The following ATP6V0A4 variants were observed in gnomAD, a reference collection of about 807,000 sequenced individuals.
ATP6V0A4 encodes V-type proton ATPase 116 kDa subunit a 4.
ATP6V0A4 carries 86 observed loss-of-function variants against 107.3 expected under a neutral mutation model. The observed-to-expected ratio is 0.80, with a 90% CI of 0.67 to 0.96. ATP6V0A4 has a LOEUF of 0.96. Among genes scored for constraint, ATP6V0A4 ranks in the 40% least tolerant of loss-of-function variants. ATP6V0A4 has a pLI of 0.00. For missense variants in ATP6V0A4, 908 were observed against 1,045.6 expected, an observed-to-expected ratio of 0.87 and a Z score of 1.81; for synonymous variants, 353 against 381.4, an observed-to-expected ratio of 0.93 and a Z score of 0.87.
chr7:138,745,244 G>A lies in ATP6V0A4; in HGVS notation c.1357C>T (p.Leu453=). Residue 453 remains leucine, a synonymous_variant, in exon 14 of 22, where the codon CTA becomes TTA. Coordinates refer to ENST00000310018, the MANE Select transcript of ATP6V0A4 (RefSeq NM_020632.3). ...TAGATGGAGAAGATGCCCATAAGTA[G>A]GATCAGATAGCGCCCGTGGAAGAAG... ...NTFFHGRYLI[L]LMGIFSIYTG... 4.3e-6 allele frequency: 7 copies of A among 1,609,886 alleles called. No homozygotes were observed. The highest frequency in any genetic ancestry group is 5.9e-6 in the Non-Finnish European group (7 of 1,178,312).
chr7:138,791,006 CA>C lies in ATP6V0A4; in HGVS notation c.-120-4747del, dbSNP rs138166580. Among the ~76,000 whole-genome samples the C allele has an allele frequency of 9.4e-3, 1,423 of 151,950 alleles. 22 individuals are homozygous for C. Among genetic ancestry groups the C allele is most frequent in the African/African-American group, 0.033 (1,364 of 41,432 alleles). ...AGAAACATGATCATATGAATGAAAA[CA>C]GCAGAAATAATAGACAATGGAAATA... On this transcript the variant is annotated intron_variant, in intron 1 of 21. Coordinates refer to ENST00000310018, the MANE Select transcript of ATP6V0A4 (RefSeq NM_020632.3).
At chr7:138,728,627 G>A in intron 18 of ATP6V0A4, 134 bp downstream of exon 18, 1 of 1,210,586 alleles carries the variant, frequency 8.3e-7, no homozygotes, top group South Asian at 1.2e-5. Context: ...AACATACTCA[G>A]GGCGGGTCAG....
At chr7:138,733,577 T>C (rs1805145274) in intron 16 of ATP6V0A4, among the ~76,000 whole-genome samples, 1 of 23,528 alleles carries the variant, frequency 4.3e-5, no homozygotes, top group Admixed American at 6.7e-4. Flanking sequence ...TTTCTCTTTT[T>C]TTTTTTTTTT....
chr7:138,749,027 A>T, intron 12 of ATP6V0A4, 140 bp downstream of exon 12: 1 of 1,142,478 alleles, frequency 8.8e-7, no homozygotes, highest in Non-Finnish European at 1.3e-6. Context: ...TATCCTACTT[A>T]TTCCTCTGAT....
chr7:138,761,042 G>GCCTCAAGTGATCCTCCTGC (rs1238076698), intron 7 of ATP6V0A4, among the ~76,000 whole-genome samples: 9 of 151,756 alleles, frequency 5.9e-5, no homozygotes, highest in Admixed American at 1.3e-4. Flanking sequence ...CAAACTCCTG[G>GCCTCAAGTGATCCTCCTGC]CCTCAAGTGA....
chr7:138,772,716 G>A (rs1030220341), intron 2 of ATP6V0A4, among the ~76,000 whole-genome samples: 9 of 152,142 alleles, frequency 5.9e-5, no homozygotes, highest in Non-Finnish European at 1.2e-4. Context: ...CACAGCATAC[G>A]TAGCCAGGGA....
intron 1 of ATP6V0A4, among the ~76,000 whole-genome samples, chr7:138,787,362 C>T (rs989861329): frequency 6.6e-6 from 1 of 152,132 alleles, no homozygotes; most frequent in Admixed American, 6.6e-5. Flanking sequence ...TCTAGAAAGT[C>T]GCATCGACAC....
chr7:138,723,801 C>T (rs1194951316), intron 18 of ATP6V0A4, among the ~76,000 whole-genome samples: 1 of 151,868 alleles, frequency 6.6e-6, no homozygotes, highest in Non-Finnish European at 1.5e-5. Flanking sequence ...GCTACGATTA[C>T]AGGCGTGAGC....
chr7:138,710,440 T>G (rs1803682716), intron 20 of ATP6V0A4, among the ~76,000 whole-genome samples: 1 of 152,034 alleles, frequency 6.6e-6, no homozygotes, highest in Admixed American at 6.6e-5. Context: ...TCCACCCGCC[T>G]CGGCCTCCAA....
chr7:138,766,508 T>C lies in ATP6V0A4; in HGVS notation c.291+2272A>G, dbSNP rs533016683. Among the ~76,000 whole-genome samples, 7 of 152,244 alleles carry C rather than the reference T, an allele frequency of 4.6e-5. No individual in the cohort carries two copies. The East Asian group carries it at 1.4e-3, about 29-fold the overall frequency. On this transcript the variant is annotated intron_variant, in intron 5 of 21. Transcript: ENST00000310018. ...GGCGTAAGCCACTGCGCCTGGCCTA[T>C]CATGCTAGACATTTTTTTTTTAATC...
At chr7:138,782,901 C>A (rs1807986467) in intron 2 of ATP6V0A4, among the ~76,000 whole-genome samples, 1 of 152,088 alleles carries the variant, frequency 6.6e-6, no homozygotes. Flanking sequence ...ATAGTGAAAC[C>A]CCTTCTCTAC....
chr7:138,775,182 C>T (rs2117347982), intron 2 of ATP6V0A4, among the ~76,000 whole-genome samples: 2 of 152,142 alleles, frequency 1.3e-5, no homozygotes, highest in Middle Eastern at 6.8e-3. Flanking sequence ...TGCAAAAGTA[C>T]AGCAAATAGT....
chr7:138,795,398 G>T (rs1808609772), intron 1 of ATP6V0A4, among the ~76,000 whole-genome samples: 1 of 152,088 alleles, frequency 6.6e-6, no homozygotes, highest in South Asian at 2.1e-4. Context: ...TGATAGGATG[G>T]TCTCAGCTTA....
chr7:138,750,746 C>T (rs1179412525), intron 11 of ATP6V0A4, among the ~76,000 whole-genome samples: 2 of 152,228 alleles, frequency 1.3e-5, no homozygotes, highest in African/African-American at 4.8e-5. Flanking sequence ...GCACCCCCGC[C>T]CTGCTCAGCC....
At chr7:138,721,796 C>T in intron 19 of ATP6V0A4, 101 bp downstream of exon 19, 1 of 1,355,086 alleles carries the variant, frequency 7.4e-7, no homozygotes, top group Non-Finnish European at 1.0e-6. Context: ...AGGGCTACTG[C>T]CCCGTGGGGC....
intron 18 of ATP6V0A4, among the ~76,000 whole-genome samples, chr7:138,726,355 T>C (rs1804724291): frequency 6.6e-6 from 1 of 152,194 alleles, no homozygotes; most frequent in South Asian, 2.1e-4. Flanking sequence ...TGGGGGGACC[T>C]GGGTTCATAG....
chr7:138,731,494 CT>C (rs996289284), intron 17 of ATP6V0A4, among the ~76,000 whole-genome samples: 1 of 152,152 alleles, frequency 6.6e-6, no homozygotes, highest in African/African-American at 2.4e-5. Flanking sequence ...AGGTTAATCA[CT>C]GGGAGAGGCC....
chr7:138,721,866 A>G, intron 19 of ATP6V0A4, 31 bp downstream of exon 19: 1 of 1,612,452 alleles, frequency 6.2e-7, no homozygotes, highest in East Asian at 2.2e-5. Flanking sequence ...CAAACTGGGG[A>G]GTCTTCCTCA....
chr7:138,749,839 T>C (rs1806138480), intron 11 of ATP6V0A4, among the ~76,000 whole-genome samples: 1 of 152,150 alleles, frequency 6.6e-6, no homozygotes, highest in Non-Finnish European at 1.5e-5. Flanking sequence ...CCTAGAATCT[T>C]GGAATCATGG....
Sources: allele counts gnomAD v4.1 joint callset (sites outside exome capture counted in the v4.1 genomes callset), GRCh38; gene constraint gnomAD v4.1.1; transcripts MANE v1.5; gene names NCBI Gene and HGNC (gene_info 2026-07-23, HGNC 2026-07-21).